TTC7A: variants seen among roughly 807,000 people sequenced by gnomAD.
The protein encoded by TTC7A is tetratricopeptide repeat protein 7A.
In TTC7A, 110 loss-of-function variants were observed where a neutral mutation model predicts 103.7. The ratio of observed to expected loss-of-function variants is 1.06; its 90% CI spans 0.91 to 1.24. The LOEUF is 1.24. TTC7A is among the 50% of genes most tolerant of loss of function. The probability of loss-of-function intolerance (pLI) is 0.00; values close to 1 mark genes in which losing one functional copy is unlikely to be tolerated. For missense variants in TTC7A, 1,340 were observed against 1,116.3 expected, an observed-to-expected ratio of 1.20 and a Z score of -2.86; for synonymous variants, 521 against 467.9, an observed-to-expected ratio of 1.11 and a Z score of -1.47.
intron 8 of TTC7A, chr2:46,999,566 A>T: frequency 1.0e-6 from 1 of 985,328 alleles, no homozygotes; most frequent in Non-Finnish European, 1.2e-6. Flanking sequence ...TCCCAAATGG[A>T]CTCCCATCTA....
intron 2 of TTC7A, among the ~76,000 whole-genome samples, chr2:46,953,832 T>C (rs1224500579): frequency 6.6e-6 from 1 of 151,922 alleles, no homozygotes; most frequent in East Asian, 1.9e-4. Context: ...TTTTTTTTTT[T>C]TCAATTTTTT....
exon 1 of TTC7A, chr2:46,916,322 T>G (rs978140428): frequency 3.2e-6 from 1 of 313,140 alleles, no homozygotes; most frequent in African/African-American, 2.3e-5. Flanking sequence ...GTCTGCCAGC[T>G]CCACTGCACA....
intron 19 of TTC7A, among the ~76,000 whole-genome samples, chr2:47,069,859 C>T (rs1325646229): frequency 1.3e-5 from 2 of 152,258 alleles, no homozygotes; most frequent in East Asian, 1.9e-4. Flanking sequence ...ACGCAGGCTC[C>T]AGGGACCAGA....
intron 19 of TTC7A, among the ~76,000 whole-genome samples, chr2:47,063,830 G>T (rs115407135): frequency 0.012 from 1,813 of 152,366 alleles, 41 homozygotes; most frequent in African/African-American, 0.042. Context: ...GGTCTGGAAA[G>T]TGGTCGGTGG....
chr2:46,986,160 C>G (rs185932571), intron 5 of TTC7A, among the ~76,000 whole-genome samples: 1 of 152,210 alleles, frequency 6.6e-6, no homozygotes, highest in Non-Finnish European at 1.5e-5. Context: ...CATCTGCATT[C>G]GGGCATCTCT....
chr2:47,031,432 C>T (rs1333232182), intron 15 of TTC7A, among the ~76,000 whole-genome samples: 2 of 152,148 alleles, frequency 1.3e-5, no homozygotes, highest in Admixed American at 6.5e-5. Context: ...CGCTGGCCTG[C>T]GTGCCTGTGT....
At chr2:47,069,139 A>G (rs1684446275) in intron 19 of TTC7A, among the ~76,000 whole-genome samples, 1 of 152,072 alleles carries the variant, frequency 6.6e-6, no homozygotes, top group Admixed American at 6.5e-5. Context: ...GGATGGGTAG[A>G]GGCCCCTACA....
chr2:46,916,095 A>T (rs1460895869), upstream of TTC7A: 32 of 985,430 alleles, frequency 3.2e-5, no homozygotes, highest in Non-Finnish European at 3.5e-5. Context: ...TCCACGGGCG[A>T]CGTAGGATGG....
intron 1 of TTC7A, among the ~76,000 whole-genome samples, chr2:46,945,842 C>T (rs1670890156): frequency 6.6e-6 from 1 of 152,268 alleles, no homozygotes. Context: ...TCAGCCTTTT[C>T]CTCTTGGCTG....
chr2:47,010,490 G>C (rs998121231), intron 10 of TTC7A, among the ~76,000 whole-genome samples: 2 of 152,082 alleles, frequency 1.3e-5, no homozygotes, highest in Non-Finnish European at 2.9e-5. Flanking sequence ...TCTGGCTGTG[G>C]CTGCCCCGCC....
chr2:47,067,525 C>T (rs942291211), intron 19 of TTC7A, among the ~76,000 whole-genome samples: 22 of 152,106 alleles, frequency 1.4e-4, no homozygotes, highest in Non-Finnish European at 2.6e-4. Flanking sequence ...AAGATGCCTT[C>T]GAGGTTCTCC....
At chr2:46,984,704 C>A (rs1433772) in intron 5 of TTC7A, among the ~76,000 whole-genome samples, 48,688 of 152,020 alleles carry the variant, frequency 0.32, 8,958 homozygotes, top group East Asian at 0.65. Context: ...CCTGGCTGAA[C>A]CATGTGCTTG....
rs1050145848 is a variant in TTC7A, at chr2:47,076,101, T to C, written c.*2178T>C. ...CCAACGTACTGTGGATATTATAACCTGCATTAAAACAACTCTAAAGAACGC... is the reference window on the plus strand; with the variant it reads ...CCAACGTACTGTGGATATTATAACCCGCATTAAAACAACTCTAAAGAACGC... On this transcript the variant is annotated 3_prime_UTR_variant, in exon 20 of 20. Coordinates refer to ENST00000319190, the MANE Select transcript of TTC7A (RefSeq NM_020458.4). 1 of 152,222 alleles carries C rather than the reference T, an allele frequency of 6.6e-6. No homozygotes were observed. The highest frequency in any genetic ancestry group is 6.5e-5 in the Admixed American group (1 of 15,290). The allele number at this position is 152,222 out of a possible 1,614,324, so 9.4% of individuals were successfully genotyped here. A position where few individuals can be genotyped will look rare whatever the true frequency, so the allele number is the denominator to read the frequency against.
At chr2:46,982,648 C>T (rs1674587645) in intron 5 of TTC7A, among the ~76,000 whole-genome samples, 1 of 152,174 alleles carries the variant, frequency 6.6e-6, no homozygotes, top group Non-Finnish European at 1.5e-5. Context: ...TATGTGAACA[C>T]CCACCCACCC....
intron 18 of TTC7A, among the ~76,000 whole-genome samples, chr2:47,058,624 C>T (rs1452841825): frequency 6.6e-6 from 1 of 152,242 alleles, no homozygotes; most frequent in East Asian, 1.9e-4. Context: ...TCTGCTGGCC[C>T]TTCTGCGTTC....
chr2:46,942,256 C>A (rs539155706), intron 1 of TTC7A, among the ~76,000 whole-genome samples: 10 of 152,252 alleles, frequency 6.6e-5, no homozygotes, highest in African/African-American at 2.4e-4. Context: ...CGGGACACAT[C>A]CAGCTCTAGC....
In TTC7A at chr2:47,005,996, A is replaced by G. The variant is rs2104453333; in HGVS notation, c.1140A>G (p.Ala380=). The part of the protein sequence containing the change: ...EDRTVSLQNA[A]AIYDLLSITL... ...GGACAGTGAGCTTGCAGAATGCCGCAGCCATCTATGACCTCCTGAGCATCA... is the reference window on the plus strand; with the variant it reads ...GGACAGTGAGCTTGCAGAATGCCGCGGCCATCTATGACCTCCTGAGCATCA... The change falls in exon 9 of 20, where the codon GCA becomes GCG. Residue 380 remains alanine, a synonymous_variant. Coordinates refer to ENST00000319190, the MANE Select transcript of TTC7A (RefSeq NM_020458.4). 6.2e-7 allele frequency: 1 copy of G among 1,614,010 alleles called. No individual in the cohort carries two copies. The highest frequency in any genetic ancestry group is 8.5e-7 in the Non-Finnish European group (1 of 1,180,012).
At chr2:47,023,096 G>C (rs988786337) in intron 12 of TTC7A, among the ~76,000 whole-genome samples, 2 of 152,248 alleles carry the variant, frequency 1.3e-5, no homozygotes, top group Non-Finnish European at 2.9e-5. Context: ...AGGCAGAGGT[G>C]GTGGCCCCTC....
At chr2:46,929,940 C>T (rs946318163) in intron 2 of TTC7A, among the ~76,000 whole-genome samples, 37 of 152,156 alleles carry the variant, frequency 2.4e-4, no homozygotes, top group Admixed American at 1.1e-3. Context: ...ATGTTTTAGA[C>T]AGTGGCTGCT....
Sources: allele counts gnomAD v4.1 joint callset (sites outside exome capture counted in the v4.1 genomes callset), GRCh38; gene constraint gnomAD v4.1.1; transcripts MANE v1.5; gene names NCBI Gene and HGNC (gene_info 2026-07-23, HGNC 2026-07-21).